The following CSMD1 variants were observed in gnomAD, a reference collection of about 807,000 sequenced individuals.
CSMD1 encodes CUB and sushi domain-containing protein 1.
Under a neutral mutation model 417.5 loss-of-function variants are expected in CSMD1, and 213 were observed. That is an observed-to-expected ratio of 0.51 (90% CI 0.46 to 0.57). The LOEUF (loss-of-function observed/expected upper bound fraction) is 0.57. CSMD1 is among the 20% of genes least tolerant of loss of function. The probability of loss-of-function intolerance (pLI) is 0.00; values close to 1 mark genes in which losing one functional copy is unlikely to be tolerated. For synonymous variants in CSMD1, 2,862 were observed against 1,736.8 expected, an observed-to-expected ratio of 1.65 and a Z score of -16.11; for missense variants, 6,923 against 4,529.7, an observed-to-expected ratio of 1.53 and a Z score of -15.17.
chr8:3,861,137 C>T (rs754490009), intron 5 of CSMD1, among the ~76,000 whole-genome samples: 3 of 152,132 alleles, frequency 2.0e-5, no homozygotes, highest in African/African-American at 4.8e-5. Context: ...ATGCCAAAAA[C>T]ACACCTTTAA....
intron 3 of CSMD1, among the ~76,000 whole-genome samples, chr8:4,181,231 A>G (rs1483201954): frequency 1.3e-5 from 2 of 152,176 alleles, no homozygotes; most frequent in East Asian, 1.9e-4. Context: ...TTTGGTACTT[A>G]TTATCTATAG....
chr8:3,406,363 G>C (rs375435060), intron 14 of CSMD1, 142 bp from the exon 15 acceptor site: 3 of 147,966 alleles, frequency 2.0e-5, no homozygotes, highest in Non-Finnish European at 3.5e-5. Context: ...ATCATTCATA[G>C]ATAGATAATA....
At chr8:3,705,263 G>A (rs985393639) in intron 7 of CSMD1, among the ~76,000 whole-genome samples, 3 of 152,194 alleles carry the variant, frequency 2.0e-5, no homozygotes, top group African/African-American at 4.8e-5. Flanking sequence ...AACGCACAAG[G>A]TCACCCTCTG....
At chr8:4,859,992 A>G (rs1364157571) in intron 1 of CSMD1, among the ~76,000 whole-genome samples, 1 of 152,132 alleles carries the variant, frequency 6.6e-6, no homozygotes, top group Non-Finnish European at 1.5e-5. Flanking sequence ...TCACGATAGC[A>G]AAGACTTGGA....
chr8:4,849,151 C>T (rs1801318704), intron 1 of CSMD1, among the ~76,000 whole-genome samples: 1 of 152,070 alleles, frequency 6.6e-6, no homozygotes, highest in African/African-American at 2.4e-5. Context: ...TGTGTCTTAG[C>T]TTTTAACAAA....
intron 10 of CSMD1, among the ~76,000 whole-genome samples, chr8:3,502,302 T>G (rs527247616): frequency 6.8e-6 from 1 of 148,106 alleles, no homozygotes; most frequent in East Asian, 2.0e-4. Flanking sequence ...GAGGAGGAGC[T>G]TGCAGTGAGC....
intron 3 of CSMD1, among the ~76,000 whole-genome samples, chr8:4,327,861 G>A (rs560088147): frequency 5.9e-5 from 9 of 152,168 alleles, no homozygotes; most frequent in African/African-American, 2.2e-4. Context: ...GACACATTTT[G>A]TAAAACAAAA....
chr8:4,339,317 T>G (rs530734350), intron 3 of CSMD1, among the ~76,000 whole-genome samples: 1 of 152,228 alleles, frequency 6.6e-6, no homozygotes, highest in African/African-American at 2.4e-5. Context: ...ATTTTGTGAT[T>G]TAAATTCACA....
At chr8:3,914,930 C>T (rs1482053525) in intron 5 of CSMD1, among the ~76,000 whole-genome samples, 11 of 152,094 alleles carry the variant, frequency 7.2e-5, no homozygotes, top group Non-Finnish European at 1.6e-4. Flanking sequence ...TTGAACTAAA[C>T]ACAACAACAA....
intron 5 of CSMD1, among the ~76,000 whole-genome samples, chr8:3,954,247 G>C (rs1292985220): frequency 1.3e-5 from 2 of 152,208 alleles, no homozygotes; most frequent in Non-Finnish European, 2.9e-5. Flanking sequence ...GAGCAGGAGT[G>C]GAAGTTTATT....
chr8:4,167,432 A>T (rs1432789822), intron 3 of CSMD1, among the ~76,000 whole-genome samples: 1 of 152,190 alleles, frequency 6.6e-6, no homozygotes, highest in South Asian at 2.1e-4. Context: ...ATGGTAATAG[A>T]AATGTTAACA....
intron 5 of CSMD1, among the ~76,000 whole-genome samples, chr8:3,893,463 C>G (rs1378930605): frequency 2.0e-5 from 3 of 150,122 alleles, no homozygotes; most frequent in Non-Finnish European, 3.0e-5. Context: ...ATAGCTTTTG[C>G]AAAGGATAAA....
chr8:3,387,903 A>G (rs1811110700), intron 17 of CSMD1, among the ~76,000 whole-genome samples: 1 of 152,234 alleles, frequency 6.6e-6, no homozygotes, highest in Non-Finnish European at 1.5e-5. Flanking sequence ...TTTACCAGAT[A>G]TTATCTACAT....
chr8:2,991,623 T>A (rs1208577085), intron 54 of CSMD1, among the ~76,000 whole-genome samples: 1 of 152,238 alleles, frequency 6.6e-6, no homozygotes, highest in Non-Finnish European at 1.5e-5. Context: ...GTAAAACTTG[T>A]TAATTAATTG....
chr8:3,706,577 G>A (rs1006715362), intron 7 of CSMD1, among the ~76,000 whole-genome samples: 9 of 152,124 alleles, frequency 5.9e-5, no homozygotes, highest in Non-Finnish European at 1.2e-4. Flanking sequence ...GTTCAGATGA[G>A]GACAGAAGAG....
intron 49 of CSMD1, among the ~76,000 whole-genome samples, chr8:3,082,185 C>T (rs1814151268): frequency 6.6e-6 from 1 of 152,274 alleles, no homozygotes; most frequent in South Asian, 2.1e-4. Context: ...TTGCTATAAC[C>T]CACTAAGAAT....
At chr8:3,741,716 G>A (rs898005216) in intron 6 of CSMD1, among the ~76,000 whole-genome samples, 3 of 152,024 alleles carry the variant, frequency 2.0e-5, no homozygotes, top group Admixed American at 6.6e-5. Context: ...CTCTCTGAGT[G>A]CGCATTCTTA....
At chr8:3,798,644 A>T (rs544756698) in intron 5 of CSMD1, among the ~76,000 whole-genome samples, 6 of 152,274 alleles carry the variant, frequency 3.9e-5, no homozygotes, top group African/African-American at 1.2e-4. Context: ...TATATAAAAA[A>T]TACATACATT....
chr8:3,238,101 G>C (rs1302882568), intron 26 of CSMD1, among the ~76,000 whole-genome samples: 2 of 151,972 alleles, frequency 1.3e-5, no homozygotes, highest in Non-Finnish European at 2.9e-5. Flanking sequence ...GTCACCGAAG[G>C]GAGATACGGG....
Sources: allele counts gnomAD v4.1 joint callset (sites outside exome capture counted in the v4.1 genomes callset), GRCh38; gene constraint gnomAD v4.1.1; transcripts MANE v1.5; gene names NCBI Gene and HGNC (gene_info 2026-07-23, HGNC 2026-07-21).